Variants in DET1 observed in about 807,000 individuals in gnomAD.
The protein encoded by DET1 is DET1 homolog.
A neutral mutation model predicts 43.7 loss-of-function variants in DET1; 22 were observed. The observed-to-expected ratio is 0.50, with a 90% CI of 0.36 to 0.72. The LOEUF (loss-of-function observed/expected upper bound fraction) is 0.72, where lower values mean the gene tolerates loss of function less well. Ranked by LOEUF, DET1 falls within the 30% of genes least tolerant of loss-of-function variation. The probability of loss-of-function intolerance (pLI) is 0.00; values close to 1 mark genes in which losing one functional copy is unlikely to be tolerated. For missense variants in DET1, 713 were observed against 713.3 expected (o/e 1.00, Z 0.00); for synonymous variants, 315 against 266.2 (o/e 1.18, Z -1.79).
chr15:88,539,109 C>G (rs1051507513), intron 1 of DET1, among the ~76,000 whole-genome samples: 1 of 151,890 alleles, frequency 6.6e-6, no homozygotes, highest in Admixed American at 6.6e-5. Flanking sequence ...CTCTCTCTCT[C>G]TCTCTCTTTC....
In DET1 at chr15:88,531,215, T is replaced by C; in HGVS notation, c.491A>G (p.Asp164Gly). 6.2e-7 allele frequency: 1 copy of C among 1,613,930 alleles called. No individual in the cohort carries two copies. The highest frequency in any genetic ancestry group is 2.2e-5 in the East Asian group (1 of 44,870). Residue 164 changes from aspartate to glycine, a missense_variant, in exon 2 of 5, where the codon GAT becomes GGT. Coordinates refer to ENST00000268148, the MANE Select transcript of DET1 (RefSeq NM_001144074.3). The surrounding 1 kb of genome is among the most constrained non-coding windows in gnomAD (Gnocchi z 6.2). ...CTCAAAAAATGGAGGGTGAGGCTCA[T>C]CTGGGAGGTAGGCAGCTGAGCCCAC... ...VIVGSAAYLP[D>G]EPHPPFFEVY...
intron 3 of DET1, among the ~76,000 whole-genome samples, chr15:88,519,693 T>C (rs1466255742): frequency 6.6e-6 from 1 of 152,200 alleles, no homozygotes; most frequent in African/African-American, 2.4e-5. Flanking sequence ...TAAATTCTCT[T>C]GCTTTGTGGT....
intron 8 of DET1, chr15:88,502,734 T>G (rs1326777658): frequency 6.6e-6 from 1 of 152,170 alleles, no homozygotes; most frequent in Non-Finnish European, 1.5e-5. Context: ...TCTTGTTAAC[T>G]CCATACTCAA....
At chr15:88,534,326 G>T (rs917212200) in intron 1 of DET1, among the ~76,000 whole-genome samples, 1 of 152,106 alleles carries the variant, frequency 6.6e-6, no homozygotes, top group African/African-American at 2.4e-5. Context: ...TAAAAATGCA[G>T]CTATAAAACC....
intron 1 of DET1, among the ~76,000 whole-genome samples, chr15:88,541,868 A>G (rs1056598944): frequency 2.0e-5 from 3 of 152,104 alleles, no homozygotes; most frequent in South Asian, 2.1e-4. Context: ...AAGGGAGGAC[A>G]TGTCTCTTCG....
At chr15:88,521,117 T>C (rs1468237886) in intron 3 of DET1, among the ~76,000 whole-genome samples, 5 of 152,220 alleles carry the variant, frequency 3.3e-5, no homozygotes, top group Admixed American at 1.3e-4. Context: ...TCTGACCCTA[T>C]TTCCAAGTAC....
In DET1 at chr15:88,512,648, C is replaced by A; in HGVS notation, c.*303G>T. ...ACATGAAGGGGATAAAAGTCTAATG[C>A]TTTCATCTTCACAGCAATCAAATGC... On this transcript the variant is annotated 3_prime_UTR_variant, in exon 5 of 5. Coordinates refer to ENST00000268148, the MANE Select transcript of DET1 (RefSeq NM_001144074.3). 1 of 1,120,802 alleles carries A rather than the reference C, an allele frequency of 8.9e-7. No individual in the cohort carries two copies. The highest frequency in any genetic ancestry group is 1.1e-6 in the Non-Finnish European group (1 of 916,552). 69.4% of individuals were successfully genotyped at this position (1,120,802 alleles called of 1,614,324 possible). A position where few individuals can be genotyped will look rare whatever the true frequency, so the allele number is the denominator to read the frequency against.
chr15:88,531,970 C>A lies in DET1; in HGVS notation c.-10-255G>T. ...AGTATGCTCAGCTGTTGGGAAAGTT[C>A]AACAGAAAAAAACCTACAACTACAA... is the stretch of plus-strand genomic sequence containing the variant. On this transcript the variant is annotated intron_variant, in intron 1 of 4. Transcript: ENST00000268148. This position sits in a 1 kb window ranked among gnomAD's most constrained non-coding sequence, Gnocchi z 6.2. 1 of 433,592 alleles carries A rather than the reference C, an allele frequency of 2.3e-6. No individual in the cohort carries two copies. The allele number at this position is 433,592 out of a possible 1,614,324, so 26.9% of individuals were successfully genotyped here.
intron 1 of DET1, among the ~76,000 whole-genome samples, chr15:88,538,677 G>T (rs2057014837): frequency 6.6e-6 from 1 of 152,178 alleles, no homozygotes; most frequent in South Asian, 2.1e-4. Flanking sequence ...ATGCCACTGG[G>T]TGAGAGTTGG....
rs756085826 is a variant in DET1, at chr15:88,530,989, G to A, written c.717C>T (p.Ile239=). The change falls in exon 2 of 5, where the codon ATC becomes ATT. Residue 239 remains isoleucine, a synonymous_variant. Coordinates refer to ENST00000268148, the MANE Select transcript of DET1 (RefSeq NM_001144074.3). ...LAILSVQQQT[I]HVFQVTPEGT... is the part of the protein sequence containing the mutation. ...CTTCAGGAGTCACCTGGAAGACATG[G>A]ATGGTCTGTTGTTGCACAGACAAGA... The A allele has an allele frequency of 1.1e-5, 18 of 1,613,824 alleles. No individual in the cohort carries two copies. Among genetic ancestry groups the A allele is most frequent in the Non-Finnish European group, 1.5e-5 (18 of 1,179,874 alleles).
chr15:88,516,943 A>G lies in DET1; in HGVS notation c.1302T>C (p.Tyr434=), dbSNP rs776037911. The change falls in exon 4 of 5, where the codon TAT becomes TAC. Residue 434 remains tyrosine (Y), a synonymous_variant. Transcript: ENST00000268148. The surrounding 1 kb of genome is among the most constrained non-coding windows in gnomAD (Gnocchi z 4.4). ...GGCGTACTGCCTCTGTGTGCCCTCC[A>G]TACTTGGCATTTATAATAGTGTCTT... ...RFKDTIINAK[Y]GGHTEAVRRL... is the part of the protein sequence containing the mutation. The G allele has an allele frequency of 3.7e-6, 6 of 1,601,586 alleles. No individual in the cohort carries two copies. Among genetic ancestry groups the G allele is most frequent in the Admixed American group, 3.5e-5 (2 of 57,436 alleles).
At position 88,546,646 on chromosome 15, in the gene DET1, G is replaced by A. The variant is rs1000441090; in HGVS notation, c.-117C>T. 1.0e-4 allele frequency: 15 copies of A among 149,642 alleles called. No individual in the cohort carries two copies. Among genetic ancestry groups the A allele is most frequent in the Admixed American group, 2.0e-4 (3 of 15,034 alleles). 9.3% of individuals were successfully genotyped at this position (149,642 alleles called of 1,614,324 possible). A position where few individuals can be genotyped will look rare whatever the true frequency, so the allele number is the denominator to read the frequency against. On this transcript the variant is annotated 5_prime_UTR_variant, in exon 1 of 5. Coordinates refer to ENST00000268148, the MANE Select transcript of DET1 (RefSeq NM_001144074.3). The stretch of plus-strand genomic sequence containing the variant: ...CATGCCCCAGGACTCCTGCACCCGC[G>A]GCTGCACGTTCCCGTTTCCGCCAGC...
chr15:88,523,288 T>C (rs2056553472), intron 3 of DET1, among the ~76,000 whole-genome samples: 1 of 152,200 alleles, frequency 6.6e-6, no homozygotes, highest in Admixed American at 6.5e-5. Context: ...TTCTTGAACA[T>C]TTATTTTGAC....
At chr15:88,533,852 T>TAAAAAAAAAAAAAAAAAAA (rs368408722) in intron 1 of DET1, among the ~76,000 whole-genome samples, 7 of 39,210 alleles carry the variant, frequency 1.8e-4, no homozygotes, top group African/African-American at 5.0e-4. Flanking sequence ...ACCCAATCTC[T>TAAAAAAAAAAAAAAAAAAA]AAAAAAAAAA....
chr15:88,525,166 A>T (rs1316747447), intron 3 of DET1, among the ~76,000 whole-genome samples: 1 of 152,216 alleles, frequency 6.6e-6, no homozygotes, highest in African/African-American at 2.4e-5. Flanking sequence ...CCAAATTACT[A>T]CGGTAATTAG....
intron 4 of DET1, among the ~76,000 whole-genome samples, chr15:88,515,187 C>T (rs185793108): frequency 2.0e-5 from 3 of 152,086 alleles, no homozygotes; most frequent in African/African-American, 4.8e-5. Context: ...GAAAAACAAC[C>T]TGGTTTCCTC....
downstream of DET1, among the ~76,000 whole-genome samples, chr15:88,509,455 G>A (rs528885884): frequency 3.2e-4 from 49 of 152,344 alleles, no homozygotes; most frequent in South Asian, 8.9e-3. Flanking sequence ...TAAGTCTGTG[G>A]TCATGAATTT....
intron 1 of DET1, among the ~76,000 whole-genome samples, chr15:88,535,856 G>A (rs1216212039): frequency 6.6e-6 from 1 of 152,028 alleles, no homozygotes; most frequent in Non-Finnish European, 1.5e-5. Context: ...AAGGAAGCAA[G>A]GGAAGGAGGA....
intron 1 of DET1, among the ~76,000 whole-genome samples, chr15:88,539,854 C>T (rs2057057331): frequency 6.6e-6 from 1 of 152,218 alleles, no homozygotes; most frequent in South Asian, 2.1e-4. Context: ...CTAGATTAAA[C>T]CGGTGGTGGG....
Sources: allele counts gnomAD v4.1 joint callset (sites outside exome capture counted in the v4.1 genomes callset), GRCh38; gene constraint gnomAD v4.1.1; non-coding constraint Gnocchi (gnomAD v3.1); transcripts MANE v1.5; gene names NCBI Gene and HGNC (gene_info 2026-07-23, HGNC 2026-07-21).